Variants in ITPR3 observed in about 807,000 individuals in gnomAD.
The protein encoded by ITPR3 is inositol 1,4,5-trisphosphate receptor type 3, also known as inositol 1,4,5-trisphosphate-gated calcium channel ITPR3.
In ITPR3, 173 loss-of-function variants were observed where a neutral mutation model predicts 293.2. The observed-to-expected ratio is 0.59, with a 90% CI of 0.52 to 0.67. ITPR3 has a LOEUF of 0.67. Among genes scored for constraint, ITPR3 ranks in the 30% least tolerant of loss-of-function variants. The probability of loss-of-function intolerance (pLI) is 0.00; values close to 1 mark genes in which losing one functional copy is unlikely to be tolerated. For missense variants in ITPR3, 2,796 were observed against 3,592.1 expected (o/e 0.78, Z 5.66); for synonymous variants, 1,295 against 1,444.4 (o/e 0.90, Z 2.35).
intron 2 of ITPR3, among the ~76,000 whole-genome samples, 195 bp downstream of exon 2, chr6:33,640,749 T>A (rs1763932588): frequency 6.6e-6 from 1 of 152,144 alleles, no homozygotes; most frequent in African/African-American, 2.4e-5. Flanking sequence ...GCCATTCCCT[T>A]CATTTTCTGG....
chr6:33,689,020 T>C (rs150604827), intron 49 of ITPR3, among the ~76,000 whole-genome samples: 1 of 152,332 alleles, frequency 6.6e-6, no homozygotes, highest in East Asian at 1.9e-4. Context: ...TGCACACGCA[T>C]AGATGTGTCA....
intron 2 of ITPR3, among the ~76,000 whole-genome samples, chr6:33,653,371 T>C (rs1212205595): frequency 2.0e-5 from 3 of 151,838 alleles, no homozygotes; most frequent in Admixed American, 6.6e-5. Flanking sequence ...TGCCTCGGCT[T>C]CCCATAGTGC....
Position 33,672,246 on chromosome 6 carries a change from G to C in ITPR3, c.2928+18G>C. 2 of 1,606,224 alleles carry C rather than the reference G, an allele frequency of 1.2e-6. No homozygotes were observed. The highest frequency in any genetic ancestry group is 1.7e-6 in the Non-Finnish European group (2 of 1,174,512). ...TCCTTCAGGTGCCTGGGCCAGGACC[G>C]TGTGGGAGGTGTTGGGTATAGGGGG... On this transcript the variant is annotated intron_variant, in intron 22 of 57. Transcript: ENST00000605930. The surrounding 1 kb of genome is among the most constrained non-coding windows in gnomAD (Gnocchi z 5.0).
At chr6:33,640,362 T>G (rs897708886) in intron 1 of ITPR3, 122 bp from the exon 2 acceptor site, 14 of 846,876 alleles carry the variant, frequency 1.7e-5, no homozygotes, top group Non-Finnish European at 2.3e-5. Context: ...GGGGAGCTTG[T>G]TAGAGATGGA....
Position 33,683,193 on chromosome 6 carries a change from C to G in ITPR3, c.4598-14C>G. On this transcript the variant is annotated splice_polypyrimidine_tract_variant and intron_variant, in intron 34 of 57. Coordinates refer to ENST00000605930, the MANE Select transcript of ITPR3 (RefSeq NM_002224.4). The surrounding 1 kb of genome is among the most constrained non-coding windows in gnomAD (Gnocchi z 4.5). ...CCGCACCAGCACTCCAGCACTCCCT[C>G]CCTTCCCACCCAGCCAAGGGCCGGG... 6.7e-7 allele frequency: 1 copy of G among 1,502,380 alleles called. No homozygotes were observed. The highest frequency in any genetic ancestry group is 9.0e-7 in the Non-Finnish European group (1 of 1,115,684). The allele number at this position is 1,502,380 out of a possible 1,614,324, so 93.1% of individuals were successfully genotyped here. A position where few individuals can be genotyped will look rare whatever the true frequency, so the allele number is the denominator to read the frequency against.
At position 33,692,925 on chromosome 6, in the gene ITPR3, C is replaced by G; in HGVS notation, c.7624+32C>G. On this transcript the variant is annotated intron_variant, in intron 55 of 57. Coordinates refer to ENST00000605930, the MANE Select transcript of ITPR3 (RefSeq NM_002224.4). The surrounding 1 kb of genome is among the most constrained non-coding windows in gnomAD (Gnocchi z 4.2). ...GCTGCTTCCTGCTCTGTGGAGGCCGCAGCGGGGCTGGAACGTCATCTGATG... is the reference window on the plus strand; with the variant it reads ...GCTGCTTCCTGCTCTGTGGAGGCCGGAGCGGGGCTGGAACGTCATCTGATG... 1 of 1,608,308 alleles carries G rather than the reference C, an allele frequency of 6.2e-7. No individual in the cohort carries two copies. Among genetic ancestry groups the G allele is most frequent in the Non-Finnish European group, 8.5e-7 (1 of 1,176,212 alleles).
chr6:33,689,669 C>A (rs1222548079), intron 50 of ITPR3, among the ~76,000 whole-genome samples: 5 of 152,252 alleles, frequency 3.3e-5, no homozygotes, highest in African/African-American at 1.2e-4. Flanking sequence ...TGGCTGTGCA[C>A]ACTGTGCGGG....
intron 20 of ITPR3, 161 bp from the exon 21 acceptor site, chr6:33,671,003 TG>T: frequency 1.2e-6 from 1 of 826,894 alleles, no homozygotes; most frequent in Non-Finnish European, 1.5e-6. Flanking sequence ...TTCCAATGCC[TG>T]GGAAAGGGCT....
Position 33,664,269 on chromosome 6 carries a change from C to T in ITPR3, c.1148+389C>T, listed in dbSNP as rs918429086. 2.6e-5 allele frequency among the ~76,000 whole-genome samples: 4 copies of T among 152,072 alleles called. No individual in the cohort carries two copies. The highest frequency in any genetic ancestry group is 2.1e-4 in the South Asian group (1 of 4,792). On this transcript the variant is annotated intron_variant, in intron 11 of 57. Coordinates refer to ENST00000605930, the MANE Select transcript of ITPR3 (RefSeq NM_002224.4). This position sits in a 1 kb window ranked among gnomAD's most constrained non-coding sequence, Gnocchi z 4.4. ...TCTCAAGTGTCAGTACAGGCTTTGG[C>T]GTGTCCTTAGCTGTATGACCTCAGG... is the stretch of plus-strand genomic sequence containing the variant.
intron 28 of ITPR3, among the ~76,000 whole-genome samples, chr6:33,677,885 C>T (rs1169806619): frequency 6.6e-6 from 1 of 152,164 alleles, no homozygotes; most frequent in Non-Finnish European, 1.5e-5. Flanking sequence ...TTGACCTTGA[C>T]TCCCTTTTCT....
At position 33,695,104 on chromosome 6, in the gene ITPR3, C is replaced by G. The variant is rs1765504952; in HGVS notation, c.7947+19C>G. On this transcript the variant is annotated intron_variant, in intron 57 of 57. Transcript: ENST00000605930. ...GGAGCAGGTGTGCACCCCGCCTGAT[C>G]CCAGGCCCACCCTGGGTTCTATCCC... 6.2e-7 allele frequency: 1 copy of G among 1,611,520 alleles called. No homozygotes were observed. Among genetic ancestry groups the G allele is most frequent in the African/African-American group, 1.3e-5 (1 of 74,890 alleles).
In ITPR3 at chr6:33,666,629, A is replaced by T. The variant is rs1404214394; in HGVS notation, c.1552-500A>T. On this transcript the variant is annotated intron_variant, in intron 14 of 57. Coordinates refer to ENST00000605930, the MANE Select transcript of ITPR3 (RefSeq NM_002224.4). This position sits in a 1 kb window ranked among gnomAD's most constrained non-coding sequence, Gnocchi z 5.1. ...TGTTTTTTTTTTTTTAGAAACGAGGATCCAATTAAGGTTTTTTCATTCCAT... is the reference window on the plus strand; with the variant it reads ...TGTTTTTTTTTTTTTAGAAACGAGGTTCCAATTAAGGTTTTTTCATTCCAT... 4.0e-5 allele frequency among the ~76,000 whole-genome samples: 6 copies of T among 149,692 alleles called. No homozygotes were observed. The highest frequency in any genetic ancestry group is 1.5e-4 in the African/African-American group (6 of 40,408).
At chr6:33,662,853 T>A (rs1764508457) in intron 8 of ITPR3, 58 bp from the exon 9 acceptor site, 1 of 1,530,892 alleles carries the variant, frequency 6.5e-7, no homozygotes, top group African/African-American at 1.4e-5. Context: ...CTCCCTGGGG[T>A]CTGACTCCCC....
At chr6:33,671,051 G>A in intron 20 of ITPR3, 114 bp from the exon 21 acceptor site, 1 of 1,517,752 alleles carries the variant, frequency 6.6e-7, no homozygotes, top group African/African-American at 1.4e-5. Flanking sequence ...TGGGAACCCC[G>A]TCCTCATGAC....
chr6:33,662,787 C>T, intron 8 of ITPR3, 113 bp downstream of exon 8: 2 of 1,498,652 alleles, frequency 1.3e-6, no homozygotes, highest in Non-Finnish European at 1.8e-6. Flanking sequence ...CTGAGTCCCT[C>T]CAGAGTCAAA....
chr6:33,695,473 G>A (rs977020451), intron 57 of ITPR3: 16 of 580,710 alleles, frequency 2.8e-5, no homozygotes, highest in Non-Finnish European at 4.0e-5. Context: ...GGCAGCCTCT[G>A]TTAGTGGGCT....
chr6:33,663,480 C>T lies in ITPR3; in HGVS notation c.955-20C>T. The stretch of plus-strand genomic sequence containing the variant: ...AGTTTGGTGTCCAGTAGCTCCCCCA[C>T]ATCTTGTATCTCTGTCCAGGAGAAC... On this transcript the variant is annotated intron_variant, in intron 9 of 57. Transcript: ENST00000605930. The T allele has an allele frequency of 6.3e-7, 1 of 1,598,638 alleles. No homozygotes were observed. The highest frequency in any genetic ancestry group is 8.5e-7 in the Non-Finnish European group (1 of 1,171,732).
chr6:33,680,794 A>G (rs1456836826), intron 33 of ITPR3, 114 bp downstream of exon 33: 1 of 1,308,432 alleles, frequency 7.6e-7, no homozygotes, highest in East Asian at 2.4e-5. Context: ...AGAAGTAACA[A>G]AAGGATACAT....
At chr6:33,653,178 G>T (rs547353441) in intron 2 of ITPR3, among the ~76,000 whole-genome samples, 1 of 152,076 alleles carries the variant, frequency 6.6e-6, no homozygotes, top group South Asian at 2.1e-4. Context: ...GAGCAGCTGG[G>T]ATTACAGATG....
Sources: allele counts gnomAD v4.1 joint callset (sites outside exome capture counted in the v4.1 genomes callset), GRCh38; gene constraint gnomAD v4.1.1; non-coding constraint Gnocchi (gnomAD v3.1); transcripts MANE v1.5; gene names NCBI Gene and HGNC (gene_info 2026-07-23, HGNC 2026-07-21).